Variants in C13orf46 observed in about 807,000 individuals in gnomAD.
C13orf46 encodes chromosome 13 open reading frame 46.
rs1353120813 is a variant in C13orf46 at position 113,965,998 on chromosome 13, GTGA to G, written c.505-1007_505-1005del. ...GGTGATGATGGTGACAGTGATAGTG[GTGA>G]TGATGATGATGGTGGTGATGATGGT... is the stretch of plus-strand genomic sequence containing the variant. On this transcript the variant is annotated intron_variant, in intron 5 of 6. Coordinates refer to ENST00000636427, the MANE Select transcript of C13orf46 (RefSeq NM_001365455.2). Among the ~76,000 whole-genome samples, 656 of 150,246 alleles carry G rather than the reference GTGA, an allele frequency of 4.4e-3. 4 individuals are homozygous for G. Among genetic ancestry groups the G allele is most frequent in the African/African-American group, 0.011 (469 of 41,072 alleles).
chr13:113,931,464 A>T, the C13orf46 span, among the ~76,000 whole-genome samples: 1 of 152,176 alleles, frequency 6.6e-6, no homozygotes, highest in Non-Finnish European at 1.5e-5. Flanking sequence ...GCAGACGCCA[A>T]GTGGAAGGGA....
Position 113,955,448 on chromosome 13 carries a change from G to T in C13orf46, c.*1325C>A, listed in dbSNP as rs1284472617. On this transcript the variant is annotated 3_prime_UTR_variant, in exon 7 of 7. Coordinates refer to ENST00000636427, the MANE Select transcript of C13orf46 (RefSeq NM_001365455.2). ...ATCCGGCGGAGATGAGGAGCATCCGGTGGAGAGGAGGAGCATCTCGAGGAG... is the reference window on the plus strand; with the variant it reads ...ATCCGGCGGAGATGAGGAGCATCCGTTGGAGAGGAGGAGCATCTCGAGGAG... 1 of 165,250 alleles carries T rather than the reference G, an allele frequency of 6.1e-6. No individual in the cohort carries two copies. The highest frequency in any genetic ancestry group is 2.5e-5 in the African/African-American group (1 of 40,104). The allele number at this position is 165,250 out of a possible 1,614,324, so 10.2% of individuals were successfully genotyped here. A position where few individuals can be genotyped will look rare whatever the true frequency, so the allele number is the denominator to read the frequency against.
chr13:113,933,243 C>G, the C13orf46 span, among the ~76,000 whole-genome samples: 903 of 152,230 alleles, frequency 5.9e-3, 7 homozygotes, highest in African/African-American at 0.021. Context: ...TTATGGGTGT[C>G]CAAATGACCC....
At chr13:113,950,723 G>A (rs1382299342), downstream of C13orf46, among the ~76,000 whole-genome samples, 1 of 152,220 alleles carries the variant, frequency 6.6e-6, no homozygotes, top group Non-Finnish European at 1.5e-5. Flanking sequence ...AGGGCCCTGG[G>A]CAGCTTTCTC....
At chr13:113,952,599 C>T (rs948918071), downstream of C13orf46, among the ~76,000 whole-genome samples, 9 of 152,212 alleles carry the variant, frequency 5.9e-5, no homozygotes, top group South Asian at 4.1e-4. Flanking sequence ...CCTGGGGCAA[C>T]GGGGGCCACC....
chr13:113,945,102 G>A, the C13orf46 span, among the ~76,000 whole-genome samples: 1 of 151,752 alleles, frequency 6.6e-6, no homozygotes, highest in Non-Finnish European at 1.5e-5. Flanking sequence ...GTGTGTGACG[G>A]GCTCTGCAGG....
intron 6 of C13orf46, among the ~76,000 whole-genome samples, chr13:113,962,354 C>T (rs1312288077): frequency 6.6e-6 from 1 of 152,118 alleles, no homozygotes; most frequent in Non-Finnish European, 1.5e-5. Flanking sequence ...TGCAGTGAGC[C>T]GAGATGGTGC....
chr13:113,958,431 GT>G (rs2052560088), intron 6 of C13orf46, among the ~76,000 whole-genome samples: 1 of 152,318 alleles, frequency 6.6e-6, no homozygotes, highest in African/African-American at 2.4e-5. Flanking sequence ...CCCTGCCTCC[GT>G]CCCCACCTGG....
chr13:113,936,521 GA>G, the C13orf46 span, among the ~76,000 whole-genome samples: 9 of 152,108 alleles, frequency 5.9e-5, no homozygotes, highest in Non-Finnish European at 1.3e-4. Context: ...ACAGCCCGAG[GA>G]GGGGGAAACC....
At chr13:113,945,575 A>AAGAG in the C13orf46 span, among the ~76,000 whole-genome samples, 533 of 89,118 alleles carry the variant, frequency 6.0e-3, 14 homozygotes, top group African/African-American at 0.01. Flanking sequence ...GAAAGAAAGA[A>AAGAG]AGAGAGAGAG....
chr13:113,932,677 T>C, the C13orf46 span, among the ~76,000 whole-genome samples: 1 of 152,236 alleles, frequency 6.6e-6, no homozygotes, highest in Admixed American at 6.5e-5. Context: ...AGCTTGCCTC[T>C]TTATAGTGTC....
the C13orf46 span, among the ~76,000 whole-genome samples, chr13:113,939,254 C>G: frequency 6.6e-6 from 1 of 152,216 alleles, no homozygotes; most frequent in Non-Finnish European, 1.5e-5. Context: ...CCCCCCGCCC[C>G]GGTGATGCCA....
the C13orf46 span, among the ~76,000 whole-genome samples, chr13:113,931,416 A>G: frequency 1.6e-4 from 25 of 152,132 alleles, no homozygotes; most frequent in Non-Finnish European, 3.4e-4. Context: ...CAGGCGAGAG[A>G]GGCTCAGGTC....
chr13:113,971,677 G>A (rs913950868), intron 1 of C13orf46, among the ~76,000 whole-genome samples: 2 of 152,264 alleles, frequency 1.3e-5, no homozygotes, highest in Non-Finnish European at 2.9e-5. Context: ...AGGCCTCCCT[G>A]TGAAGTGGAC....
intron 6 of C13orf46, among the ~76,000 whole-genome samples, chr13:113,963,441 TC>T: frequency 1.0e-5 from 1 of 98,486 alleles, no homozygotes; most frequent in African/African-American, 4.3e-5. Context: ...GTCCTCAGCC[TC>T]GGCCCCTGTC....
the C13orf46 span, among the ~76,000 whole-genome samples, chr13:113,940,199 G>A: frequency 1.3e-5 from 2 of 152,254 alleles, no homozygotes; most frequent in African/African-American, 4.8e-5. Flanking sequence ...GGAAGGAAGA[G>A]TGTGCAGCAG....
chr13:113,961,438 A>G (rs1212281616), intron 6 of C13orf46, among the ~76,000 whole-genome samples: 1 of 105,012 alleles, frequency 9.5e-6, no homozygotes, highest in Non-Finnish European at 2.4e-5. Context: ...GTCAGTCATG[A>G]TTTTGGTTGT....
At chr13:113,945,676 A>AAG in the C13orf46 span, among the ~76,000 whole-genome samples, 1 of 130,424 alleles carries the variant, frequency 7.7e-6, no homozygotes, top group African/African-American at 2.8e-5. Flanking sequence ...AAGAAAGGAA[A>AAG]GAAAAACAAA....
At chr13:113,933,077 C>T in the C13orf46 span, among the ~76,000 whole-genome samples, 267 of 152,246 alleles carry the variant, frequency 1.8e-3, 1 homozygote, top group African/African-American at 6.2e-3. Context: ...GTTGCCCAGG[C>T]TGGTCTTGAA....
Sources: allele counts gnomAD v4.1 joint callset (sites outside exome capture counted in the v4.1 genomes callset), GRCh38; gene constraint gnomAD v4.1.1; transcripts MANE v1.5; gene names NCBI Gene and HGNC (gene_info 2026-07-23, HGNC 2026-07-21).